The following PHACTR2 variants were observed in gnomAD, a reference collection of about 807,000 sequenced individuals.
The protein encoded by PHACTR2 is phosphatase and actin regulator 2, also known as chromosome 6 open reading frame 56.
PHACTR2 carries 30 observed loss-of-function variants against 76.0 expected under a neutral mutation model. The observed-to-expected ratio is 0.39, with a 90% CI of 0.30 to 0.54. The LOEUF is 0.54. Ranked by LOEUF, PHACTR2 falls within the 20% of genes least tolerant of loss-of-function variation. PHACTR2 has a pLI of 0.61. For synonymous variants in PHACTR2, 292 were observed against 292.5 expected, an observed-to-expected ratio of 1.00 and a Z score of 0.02; for missense variants, 696 against 781.1, an observed-to-expected ratio of 0.89 and a Z score of 1.30.
intron 1 of PHACTR2, among the ~76,000 whole-genome samples, chr6:143,686,247 A>G (rs1031035770): frequency 1.3e-5 from 2 of 152,154 alleles, no homozygotes; most frequent in African/African-American, 2.4e-5. Context: ...ACAAAAGCCA[A>G]AAATTGGAAT....
chr6:143,673,706 A>C (rs1367969194), upstream of PHACTR2, among the ~76,000 whole-genome samples: 1 of 151,974 alleles, frequency 6.6e-6, no homozygotes. Flanking sequence ...ATGTCTTTGG[A>C]AAAGGAAATT....
At position 143,557,011 on chromosome 6, in the gene PHACTR2, C is replaced by G. The variant is rs1775184835; in HGVS notation, c.217+19804C>G. Among the ~76,000 whole-genome samples, 2 of 152,206 alleles carry G rather than the reference C, an allele frequency of 1.3e-5. No individual in the cohort carries two copies. The highest frequency in any genetic ancestry group is 4.8e-5 in the African/African-American group (2 of 41,450). Reference sequence around the variant, plus strand: ...AAAGGGCCTCCCTCCCTAACCCCAGCCTCAGTTAGAGAGGGCCACAGGAGC... The same window carrying G: ...AAAGGGCCTCCCTCCCTAACCCCAGGCTCAGTTAGAGAGGGCCACAGGAGC... On this transcript the variant is annotated intron_variant, in intron 1 of 11. Coordinates refer to the PHACTR2 transcript ENST00000367584. This position sits in a 1 kb window ranked among gnomAD's most constrained non-coding sequence, Gnocchi z 5.5.
chr6:143,702,358 C>T (rs530891287), intron 1 of PHACTR2, among the ~76,000 whole-genome samples: 2 of 152,270 alleles, frequency 1.3e-5, no homozygotes, highest in South Asian at 2.1e-4. Context: ...CTGCCCGCCT[C>T]GTCCTCCCAA....
At chr6:143,566,533 G>C (rs1775365557) in intron 1 of PHACTR2, among the ~76,000 whole-genome samples, 1 of 152,032 alleles carries the variant, frequency 6.6e-6, no homozygotes, top group Non-Finnish European at 1.5e-5. Flanking sequence ...TGAACTCCTG[G>C]CCTCAAGCAA....
intron 1 of PHACTR2, among the ~76,000 whole-genome samples, chr6:143,613,067 C>T (rs2128438168): frequency 6.6e-6 from 1 of 152,384 alleles, no homozygotes; most frequent in East Asian, 1.9e-4. Flanking sequence ...AGCTCCGCCT[C>T]CCAGGTTCAC....
intron 2 of PHACTR2, among the ~76,000 whole-genome samples, chr6:143,727,054 A>G (rs1465356687): frequency 6.6e-6 from 1 of 152,082 alleles, no homozygotes; most frequent in Non-Finnish European, 1.5e-5. Flanking sequence ...TATTTGATGT[A>G]ACTGTATGTT....
chr6:143,726,319 AT>A (rs1778570260), intron 2 of PHACTR2, among the ~76,000 whole-genome samples: 1 of 152,216 alleles, frequency 6.6e-6, no homozygotes, highest in Non-Finnish European at 1.5e-5. Flanking sequence ...TATCTTAACC[AT>A]TTTTAAACGT....
intron 1 of PHACTR2, among the ~76,000 whole-genome samples, chr6:143,706,502 T>C (rs1582793172): frequency 6.6e-6 from 1 of 152,234 alleles, no homozygotes; most frequent in African/African-American, 2.4e-5. Flanking sequence ...ATTCTAGCTT[T>C]ACTCTCTCGC....
At position 143,803,688 on chromosome 6, in the gene PHACTR2, A is replaced by G. The variant is rs201056553; in HGVS notation, c.1846-3369A>G. 2.5e-4 allele frequency among the ~76,000 whole-genome samples: 38 copies of G among 152,368 alleles called. No homozygotes were observed. In the East Asian group the frequency reaches 4.2e-3, roughly 17 times the overall value. On this transcript the variant is annotated intron_variant, in intron 11 of 12. Transcript: ENST00000440869. The surrounding 1 kb of genome is among the most constrained non-coding windows in gnomAD (Gnocchi z 4.7). ...ACAACTGTTTGAGAATGATGTTAAC[A>G]TCACACATAGAAAGGCTGTGTTTTC...
chr6:143,562,451 C>G lies in PHACTR2; in HGVS notation c.217+25244C>G, dbSNP rs9321920. On this transcript the variant is annotated intron_variant, in intron 1 of 11. Coordinates refer to the PHACTR2 transcript ENST00000367584. This position sits in a 1 kb window ranked among gnomAD's most constrained non-coding sequence, Gnocchi z 5.1. ...TGACCAGGTCTCACGAGAACTCACTCACTATTGCAAAGACAGCACCAAGCC... is the reference window on the plus strand; with the variant it reads ...TGACCAGGTCTCACGAGAACTCACTGACTATTGCAAAGACAGCACCAAGCC... 0.68 allele frequency among the ~76,000 whole-genome samples: 102,703 copies of G among 151,888 alleles called. 35,130 individuals are homozygous for G. Among genetic ancestry groups the G allele is most frequent in the Middle Eastern group, 0.76 (223 of 294 alleles).
chr6:143,686,526 T>C lies in PHACTR2; in HGVS notation c.46+8317T>C, dbSNP rs565542935. Among the ~76,000 whole-genome samples, 15 of 149,158 alleles carry C rather than the reference T, an allele frequency of 1.0e-4. 1 individual carries two copies. The East Asian group carries it at 2.0e-3, about 20-fold the overall frequency. On this transcript the variant is annotated intron_variant, in intron 1 of 12. Transcript: ENST00000440869. ...TTTTTGAGACAGAGTCTCGCTCTTT[T>C]ACCTAGGCTGGAGTGCAGTGGCATG...
chr6:143,626,135 T>C (rs907626090), intron 1 of PHACTR2, among the ~76,000 whole-genome samples: 5 of 152,190 alleles, frequency 3.3e-5, no homozygotes, highest in African/African-American at 1.2e-4. Context: ...CAAAGAAAGA[T>C]GCTAAGAATT....
rs557857763 is a variant in PHACTR2 at position 143,567,199 on chromosome 6, T to C, written c.217+29992T>C. ...TAGCGCCCCAAGTATTCTGGAGTCA[T>C]TGTGAAAGCTGCAGATGTGGTTTAA... On this transcript the variant is annotated intron_variant, in intron 1 of 11. Coordinates refer to the PHACTR2 transcript ENST00000367584. 3.3e-5 allele frequency among the ~76,000 whole-genome samples: 5 copies of C among 152,240 alleles called. No homozygotes were observed. The South Asian group carries it at 6.2e-4, about 19-fold the overall frequency.
Position 143,678,299 on chromosome 6 carries a change from C to G in PHACTR2, c.46+90C>G, listed in dbSNP as rs1777299331. On this transcript the variant is annotated intron_variant, in intron 1 of 12. Coordinates refer to ENST00000440869, the MANE Select transcript of PHACTR2 (RefSeq NM_001100164.2). This position sits in a 1 kb window ranked among gnomAD's most constrained non-coding sequence, Gnocchi z 6.2. ...GGGCAGGCAGGGTTAGTCGTCTGGTCGGGTTCCGCTCGGACCCGCCAAGTC... is the reference window on the plus strand; with the variant it reads ...GGGCAGGCAGGGTTAGTCGTCTGGTGGGGTTCCGCTCGGACCCGCCAAGTC... 1 of 1,248,396 alleles carries G rather than the reference C, an allele frequency of 8.0e-7. No homozygotes were observed. Among genetic ancestry groups the G allele is most frequent in the African/African-American group, 1.6e-5 (1 of 62,250 alleles). The allele number at this position is 1,248,396 out of a possible 1,614,324, so 77.3% of individuals were successfully genotyped here.
chr6:143,625,090 A>G lies in PHACTR2; in HGVS notation c.13+16768A>G, dbSNP rs1776231806. ...AGAATTGCTTGAACCCGGGAGATGG[A>G]GGTTGCAGTAAGCCAAGATTGCACC... On this transcript the variant is annotated intron_variant, in intron 1 of 11. Transcript: ENST00000305766. The surrounding 1 kb of genome is among the most constrained non-coding windows in gnomAD (Gnocchi z 4.3). Among the ~76,000 whole-genome samples the G allele has an allele frequency of 6.6e-6, 1 of 151,936 alleles. No individual in the cohort carries two copies. Among genetic ancestry groups the G allele is most frequent in the Non-Finnish European group, 1.5e-5 (1 of 67,992 alleles).
rs1777581110 is a variant in PHACTR2 at position 143,688,981 on chromosome 6, C to G, written c.46+10772C>G. ...GCCTATATGATCCCTGCCCACCTCT[C>G]TGACCTCATCTTCCATCACTTTGCT... On this transcript the variant is annotated intron_variant, in intron 1 of 12. Transcript: ENST00000440869. The surrounding 1 kb of genome is among the most constrained non-coding windows in gnomAD (Gnocchi z 5.2). 6.6e-6 allele frequency among the ~76,000 whole-genome samples: 1 copy of G among 152,264 alleles called. No individual in the cohort carries two copies. The highest frequency in any genetic ancestry group is 2.4e-5 in the African/African-American group (1 of 41,464).
chr6:143,614,582 T>C (rs902810576), intron 1 of PHACTR2, among the ~76,000 whole-genome samples: 1 of 152,162 alleles, frequency 6.6e-6, no homozygotes, highest in Non-Finnish European at 1.5e-5. Context: ...CATTCATACT[T>C]CCATAAGTAT....
At position 143,678,209 on chromosome 6, in the gene PHACTR2, G is replaced by T; in HGVS notation, c.46G>T (p.Val16Phe). ...VSTLSPQPGSVDGLDKASIAN... is the reference protein window; with the variant it reads ...VSTLSPQPGSFDGLDKASIAN... ...CACGCTGTCCCCGCAGCCCGGCAGC[G>T]GTGAGTCCGGGGCGCACGCGATGCG... is the stretch of plus-strand genomic sequence containing the variant. The change falls in exon 1 of 13, where the codon GTT becomes TTT. Residue 16 changes from valine to phenylalanine, a missense_variant and splice_region_variant. This residue lies in a region of PHACTR2 where 460 missense variants were observed against 450.9 expected (regional missense o/e 1.02). Coordinates refer to ENST00000440869, the MANE Select transcript of PHACTR2 (RefSeq NM_001100164.2). This position sits in a 1 kb window ranked among gnomAD's most constrained non-coding sequence, Gnocchi z 6.2. 1 of 1,533,600 alleles carries T rather than the reference G, an allele frequency of 6.5e-7. No homozygotes were observed. The highest frequency in any genetic ancestry group is 8.8e-7 in the Non-Finnish European group (1 of 1,139,748). The allele number at this position is 1,533,600 out of a possible 1,614,324, so 95.0% of individuals were successfully genotyped here. A position where few individuals can be genotyped will look rare whatever the true frequency, so the allele number is the denominator to read the frequency against.
chr6:143,763,362 A>G (rs535935331), intron 5 of PHACTR2, among the ~76,000 whole-genome samples: 1 of 152,330 alleles, frequency 6.6e-6, no homozygotes, highest in African/African-American at 2.4e-5. Flanking sequence ...CTGTCTCAAA[A>G]AAAACAAAAA....
Sources: gnomAD v4.1 joint callset for allele counts (sites outside exome capture counted in the v4.1 genomes callset) on GRCh38, gnomAD v4.1.1 for gene constraint, gnomAD v4.1.1 regional missense constraint, Gnocchi (gnomAD v3.1) non-coding constraint, MANE v1.5 for transcripts, NCBI Gene and HGNC (gene_info 2026-07-23, HGNC 2026-07-21) for gene names.